The following CDC42BPB variants were observed in gnomAD, a reference collection of about 807,000 sequenced individuals.
CDC42BPB encodes the protein serine/threonine-protein kinase MRCK beta.
In CDC42BPB, 37 loss-of-function variants were observed where a neutral mutation model predicts 214.9. The ratio of observed to expected loss-of-function variants is 0.17; its 90% CI spans 0.13 to 0.23. CDC42BPB has a LOEUF of 0.23. CDC42BPB is among the 10% of genes least tolerant of loss of function. The pLI is 1.00. For missense variants in CDC42BPB, 1,694 were observed against 2,227.0 expected (o/e 0.76, Z 4.82); for synonymous variants, 931 against 884.0 (o/e 1.05, Z -0.94).
intron 36 of CDC42BPB, among the ~76,000 whole-genome samples, chr14:102,937,503 C>T (rs1477962951): frequency 6.6e-6 from 1 of 152,160 alleles, no homozygotes; most frequent in African/African-American, 2.4e-5. Flanking sequence ...CGCCTGCATC[C>T]CTCCCTCCCT....
At chr14:103,011,366 C>T (rs1316010120) in intron 2 of CDC42BPB, among the ~76,000 whole-genome samples, 2 of 152,240 alleles carry the variant, frequency 1.3e-5, no homozygotes, top group Non-Finnish European at 2.9e-5. Context: ...AAAACAGCTG[C>T]TATTCGACCC....
intron 7 of CDC42BPB, among the ~76,000 whole-genome samples, chr14:102,983,131 C>T (rs1167692631): frequency 6.6e-6 from 1 of 152,188 alleles, no homozygotes; most frequent in Non-Finnish European, 1.5e-5. Context: ...TCAAAGTTGG[C>T]ACCTAACCAG....
At chr14:102,988,152 A>T (rs1894333776) in intron 5 of CDC42BPB, among the ~76,000 whole-genome samples, 1 of 152,188 alleles carries the variant, frequency 6.6e-6, no homozygotes, top group South Asian at 2.1e-4. Flanking sequence ...CTAATGAAAA[A>T]TTGAAGAAAG....
At chr14:102,986,221 T>A (rs1255115874) in intron 6 of CDC42BPB, 1 of 376,536 alleles carries the variant, frequency 2.7e-6, no homozygotes, top group African/African-American at 2.1e-5. Flanking sequence ...TTAGCCACCT[T>A]GGGATTGAGG....
intron 1 of CDC42BPB, among the ~76,000 whole-genome samples, chr14:103,050,440 G>A (rs1375783722): frequency 3.3e-5 from 5 of 152,164 alleles, no homozygotes; most frequent in African/African-American, 1.2e-4. Context: ...GGAGTGGGCT[G>A]GAGGGCAGGT....
intron 1 of CDC42BPB, among the ~76,000 whole-genome samples, chr14:103,025,137 G>A (rs865790740): frequency 6.6e-6 from 1 of 152,138 alleles, no homozygotes; most frequent in African/African-American, 2.4e-5. Flanking sequence ...CTGAAGAATT[G>A]ACAGTCCATG....
rs182867393 is a variant in CDC42BPB at position 103,038,357 on chromosome 14, A to C, written c.175+18642T>G. Reference sequence around the variant, plus strand: ...ACTCTGTCTCAAAAAAAAAAAAAAAACCAAAACAACTTCAGCACTCCTTAA... The same window carrying C: ...ACTCTGTCTCAAAAAAAAAAAAAAACCCAAAACAACTTCAGCACTCCTTAA... On this transcript the variant is annotated intron_variant, in intron 1 of 36. Transcript: ENST00000361246. Among the ~76,000 whole-genome samples the C allele has an allele frequency of 8.8e-3, 1,339 of 151,594 alleles. 20 individuals are homozygous for C. The highest frequency in any genetic ancestry group is 0.03 in the African/African-American group (1,259 of 41,288).
intron 35 of CDC42BPB, 48 bp downstream of exon 35, chr14:102,938,258 C>CT: frequency 6.3e-7 from 1 of 1,599,080 alleles, no homozygotes; most frequent in Non-Finnish European, 8.5e-7. Flanking sequence ...CCAGCACCCC[C>CT]TACCCCCCAC....
chr14:103,016,217 G>T (rs1051894415), intron 1 of CDC42BPB, among the ~76,000 whole-genome samples: 2 of 152,240 alleles, frequency 1.3e-5, no homozygotes, highest in Admixed American at 6.5e-5. Context: ...GGGCTGTTCT[G>T]CTGGCGTGGG....
chr14:103,029,734 C>T (rs1470373501), intron 1 of CDC42BPB, among the ~76,000 whole-genome samples: 1 of 151,174 alleles, frequency 6.6e-6, no homozygotes, highest in African/African-American at 2.4e-5. Flanking sequence ...TGGTGTGCAC[C>T]TGTAGTCCCA....
At chr14:102,972,301 T>C in intron 12 of CDC42BPB, 140 bp from the exon 13 acceptor site, 7 of 1,492,346 alleles carry the variant, frequency 4.7e-6, no homozygotes, top group Non-Finnish European at 6.2e-6. Context: ...TCTGAGCTGC[T>C]TGGAAAAAGA....
At chr14:102,938,527 G>A (rs894845175) in intron 34 of CDC42BPB, 116 bp from the exon 35 acceptor site, 22 of 1,439,854 alleles carry the variant, frequency 1.5e-5, no homozygotes, top group Non-Finnish European at 1.7e-5. Context: ...CAAAATGGGG[G>A]CCAAGAGGGC....
intron 1 of CDC42BPB, among the ~76,000 whole-genome samples, chr14:103,024,448 AAG>A (rs1886939528): frequency 6.6e-6 from 1 of 152,184 alleles, no homozygotes; most frequent in Non-Finnish European, 1.5e-5. Context: ...AGCAGGGAGG[AAG>A]AGTTTTGAAT....
intron 4 of CDC42BPB, among the ~76,000 whole-genome samples, chr14:103,002,007 A>G (rs1426057249): frequency 6.6e-6 from 1 of 152,216 alleles, no homozygotes; most frequent in African/African-American, 2.4e-5. Flanking sequence ...CGGGGTGCTG[A>G]GTTAAGCCAG....
intron 5 of CDC42BPB, 63 bp from the exon 6 acceptor site, chr14:102,986,643 C>T: frequency 3.2e-6 from 5 of 1,586,140 alleles, no homozygotes; most frequent in South Asian, 1.1e-5. Context: ...AGATCAAAGC[C>T]CTTAACTAGT....
intron 21 of CDC42BPB, among the ~76,000 whole-genome samples, chr14:102,958,953 G>A (rs34057274): frequency 0.014 from 2,017 of 147,988 alleles, 53 homozygotes; most frequent in African/African-American, 0.048. Context: ...GATTACAGGC[G>A]TGAGCCACTG....
At chr14:103,032,238 A>G (rs1887421949) in intron 1 of CDC42BPB, among the ~76,000 whole-genome samples, 1 of 152,184 alleles carries the variant, frequency 6.6e-6, no homozygotes, top group African/African-American at 2.4e-5. Context: ...GGGAGGTAAT[A>G]ACGCACTTCT....
At chr14:103,000,229 G>A (rs1189106048) in intron 4 of CDC42BPB, among the ~76,000 whole-genome samples, 1 of 152,258 alleles carries the variant, frequency 6.6e-6, no homozygotes, top group African/African-American at 2.4e-5. Context: ...CCTCAGAAAA[G>A]CTCCTACTTA....
Position 102,940,085 on chromosome 14 carries a change from C to T in CDC42BPB, c.4552G>A (p.Glu1518Lys), listed in dbSNP as rs1891822438. Residue 1518 changes from glutamate to lysine, a missense_variant, in exon 32 of 37, where the codon GAG becomes AAG. Physicochemically the swap from Glu to Lys is moderately conservative, Grantham distance 56. This residue lies in a region of CDC42BPB where 567 missense variants were observed against 790.3 expected (regional missense o/e 0.72). Transcript: ENST00000361246. ...TTGAAGTAGATCAAGCGTGGAGGCT[C>T]GCAGTTGAGGAGGTTGAGGGTGCCT... ...SEGTLNLLNC[E>K]PPRLIYFKSK... 6.2e-7 allele frequency: 1 copy of T among 1,613,842 alleles called. No homozygotes were observed. The highest frequency in any genetic ancestry group is 8.5e-7 in the Non-Finnish European group (1 of 1,180,042).
Sources: allele counts gnomAD v4.1 joint callset (sites outside exome capture counted in the v4.1 genomes callset), GRCh38; gene constraint gnomAD v4.1.1; regional missense constraint gnomAD v4.1.1; transcripts MANE v1.5; gene names NCBI Gene and HGNC (gene_info 2026-07-23, HGNC 2026-07-21).